The following MICALL2 variants were observed in gnomAD, a reference collection of about 807,000 sequenced individuals.
MICALL2 encodes MICAL-like protein 2.
In MICALL2, 111 loss-of-function variants were observed where a neutral mutation model predicts 91.1. That is an observed-to-expected ratio of 1.22 (90% confidence interval 1.04 to 1.43). MICALL2 has a LOEUF of 1.43. Ranked by LOEUF, MICALL2 falls within the 40% of genes most tolerant of loss-of-function variation. The pLI, the probability that MICALL2 is intolerant of heterozygous loss-of-function variation, is 0.00. For synonymous variants in MICALL2, 694 were observed against 525.3 expected (o/e 1.32, Z -4.39); for missense variants, 1,556 against 1,236.0 (o/e 1.26, Z -3.88).
chr7:1,438,836 T>C lies in MICALL2; in HGVS notation c.2122+4A>G. On this transcript the variant is annotated splice_donor_region_variant and intron_variant, in intron 10 of 16. Transcript: ENST00000297508. ...CAAACAGCAGCGGTGTCTCTGGGGC[T>C]GACCTGGTTTGCCCTGAAGGTGAGG... The C allele has an allele frequency of 1.3e-6, 2 of 1,599,528 alleles. No homozygotes were observed. Among genetic ancestry groups the C allele is most frequent in the Non-Finnish European group, 1.7e-6 (2 of 1,170,978 alleles).
chr7:1,441,590 G>C (rs753637772), intron 7 of MICALL2: 1 of 157,732 alleles, frequency 6.3e-6, no homozygotes, highest in Non-Finnish European at 1.4e-5. Context: ...TCAGGTCATA[G>C]GGCATCGTCA....
intron 3 of MICALL2, chr7:1,448,112 A>C: frequency 4.0e-6 from 1 of 248,480 alleles, no homozygotes; most frequent in East Asian, 8.5e-5. Flanking sequence ...TACACACACA[A>C]AGGCCGGGCC....
Position 1,459,465 on chromosome 7 carries a change from C to T in MICALL2, c.-139G>A. On this transcript the variant is annotated 5_prime_UTR_variant, in exon 1 of 17. Transcript: ENST00000297508. ...CCACGGCGCCCAGCCCCAGCTGAGC[C>T]GGACTGAGGGCGACGAGTGCCGGGT... The T allele has an allele frequency of 1.3e-6, 1 of 775,776 alleles. No homozygotes were observed. 48.1% of individuals were successfully genotyped at this position (775,776 alleles called of 1,614,324 possible). A position where few individuals can be genotyped will look rare whatever the true frequency, so the allele number is the denominator to read the frequency against.
At chr7:1,438,767 G>T in intron 10 of MICALL2, 73 bp downstream of exon 10, 1 of 1,527,940 alleles carries the variant, frequency 6.5e-7, no homozygotes, top group Non-Finnish European at 8.8e-7. Context: ...CAAAGCCCCA[G>T]CAGGCATTGC....
At chr7:1,455,102 T>C (rs1486821902) in intron 1 of MICALL2, among the ~76,000 whole-genome samples, 1 of 152,190 alleles carries the variant, frequency 6.6e-6, no homozygotes, top group Non-Finnish European at 1.5e-5. Context: ...GACGGCTTCC[T>C]GCGCCACGCA....
intron 9 of MICALL2, chr7:1,439,393 A>C: frequency 4.8e-6 from 1 of 208,864 alleles, no homozygotes; most frequent in Non-Finnish European, 9.1e-6. Context: ...CATGCACCAC[A>C]TACATGAACA....
At chr7:1,446,270 G>T (rs117302363) in intron 5 of MICALL2, among the ~76,000 whole-genome samples, 7 of 20,542 alleles carry the variant, frequency 3.4e-4, no homozygotes, top group East Asian at 3.5e-3. Context: ...GGGGGAGGAG[G>T]GAGAGAAGGG....
chr7:1,455,328 C>A (rs1780974327), intron 1 of MICALL2, among the ~76,000 whole-genome samples: 1 of 152,228 alleles, frequency 6.6e-6, no homozygotes, highest in Non-Finnish European at 1.5e-5. Context: ...TCTGAGCTCA[C>A]CTGGCTGCCC....
chr7:1,447,432 G>C (rs984154611), intron 4 of MICALL2, 143 bp downstream of exon 4: 9 of 577,602 alleles, frequency 1.6e-5, no homozygotes, highest in Non-Finnish European at 2.4e-5. Flanking sequence ...GGCGGCTCTT[G>C]CTAAGGCTGA....
intron 9 of MICALL2, chr7:1,439,389 C>T (rs6976984): frequency 0.99 from 219,175 of 221,628 alleles, 108,382 homozygotes; most frequent in East Asian, 1. Context: ...GGTACATGCA[C>T]CACATACATG....
Position 1,448,780 on chromosome 7 carries a change from G to T in MICALL2, c.193-19C>A, listed in dbSNP as rs1167979548. 1.2e-6 allele frequency: 2 copies of T among 1,611,178 alleles called. No homozygotes were observed. The highest frequency in any genetic ancestry group is 1.7e-6 in the Non-Finnish European group (2 of 1,179,156). On this transcript the variant is annotated intron_variant, in intron 2 of 16. Transcript: ENST00000297508. Reference sequence around the variant, plus strand: ...GGAAGGCCTGCGAAAGGTGGGAGGGGGTCAGCGGGGCAGCTGGGAGCCCCC... The same window carrying T: ...GGAAGGCCTGCGAAAGGTGGGAGGGTGTCAGCGGGGCAGCTGGGAGCCCCC...
Position 1,440,009 on chromosome 7 carries a change from AGCT to A in MICALL2, c.1879_1881del (p.Ser627del). On this transcript the variant is annotated inframe_deletion, in exon 9 of 17. Coordinates refer to ENST00000297508, the MANE Select transcript of MICALL2 (RefSeq NM_182924.4). The stretch of plus-strand genomic sequence containing the variant: ...AGGGTGATGTGGACACTCCCAGCAA[AGCT>A]GCCTGAGACCTTCCTGGGGGCCTCC... 2.6e-6 allele frequency: 4 copies of A among 1,556,024 alleles called. No homozygotes were observed. Among genetic ancestry groups the A allele is most frequent in the Non-Finnish European group, 3.4e-6 (4 of 1,161,868 alleles).
At position 1,438,312 on chromosome 7, in the gene MICALL2, C is replaced by T. The variant is rs775304017; in HGVS notation, c.2164G>A (p.Glu722Lys). 6.8e-5 allele frequency: 109 copies of T among 1,603,402 alleles called. No individual in the cohort carries two copies. The highest frequency in any genetic ancestry group is 4.3e-4 in the East Asian group (19 of 44,526). Residue 722 changes from glutamate to lysine, a missense_variant, in exon 11 of 17, where the codon GAG (glutamate) becomes AAG (lysine). By Grantham distance (56) the Glu-to-Lys change is moderately conservative (BLOSUM62 1). Transcript: ENST00000297508. ...ACCCTGACTGGGGAGGTCACCGTCT[C>T]GCCAGGCAGAGCAGGGACATTGGCC... ...SPANVPALPG[E>K]TVTSPVRLHP...
At position 1,444,935 on chromosome 7, in the gene MICALL2, C is replaced by A. The variant is rs566311876; in HGVS notation, c.1135G>T (p.Gly379Trp). 6.6e-7 allele frequency: 1 copy of A among 1,524,344 alleles called. No homozygotes were observed. Among genetic ancestry groups the A allele is most frequent in the African/African-American group, 1.4e-5 (1 of 73,100 alleles). 94.4% of individuals were successfully genotyped at this position (1,524,344 alleles called of 1,614,324 possible). The change falls in exon 6 of 17, where the codon GGG becomes TGG. Residue 379 changes from glycine (G) to tryptophan (W), a missense_variant. Physicochemically the swap from Gly to Trp is radical, Grantham distance 184. Transcript: ENST00000297508. The stretch of plus-strand genomic sequence containing the variant: ...GGAGCTGCCACTCGGGGGGCTCCCC[C>A]ACCCTGGGGTGTGGCCGGGCGAGGG... ...PDPRPATPQGGGAPRVAAPQT... is the reference protein window; with the variant it reads ...PDPRPATPQGWGAPRVAAPQT...
At position 1,441,910 on chromosome 7, in the gene MICALL2, C is replaced by G; in HGVS notation, c.1711+282G>C. 1.0e-5 allele frequency: 5 copies of G among 499,042 alleles called. No individual in the cohort carries two copies. The South Asian group carries it at 1.2e-4, about 12-fold the overall frequency. 30.9% of individuals were successfully genotyped at this position (499,042 alleles called of 1,614,324 possible). On this transcript the variant is annotated intron_variant, in intron 7 of 16. Transcript: ENST00000297508. ...GATGTAACTGCCAGACCGAGCTGAG[C>G]GGGACGCTGCAGGGCTGGGCTGCAG...
At chr7:1,439,359 A>AG in intron 9 of MICALL2, 1 of 257,962 alleles carries the variant, frequency 3.9e-6, no homozygotes, top group Non-Finnish European at 7.4e-6. Context: ...CATCACATTC[A>AG]TGAAACAGAT....
rs762377219 is a variant in MICALL2 at position 1,448,610 on chromosome 7, A to C, written c.334+10T>G. ...TCCTGCCTGGCTCGGCGGGCGCGGC[A>C]GGGACTCACTGGGGGAGCGGCCGTG... On this transcript the variant is annotated intron_variant, in intron 3 of 16. Coordinates refer to ENST00000297508, the MANE Select transcript of MICALL2 (RefSeq NM_182924.4). 6.2e-7 allele frequency: 1 copy of C among 1,612,288 alleles called. No homozygotes were observed. The highest frequency in any genetic ancestry group is 1.3e-5 in the African/African-American group (1 of 75,018).
intron 7 of MICALL2, 167 bp from the exon 8 acceptor site, chr7:1,440,851 G>T (rs968428081): frequency 1.5e-5 from 9 of 615,270 alleles, no homozygotes; most frequent in Admixed American, 5.0e-5. Context: ...AGGGAGTCAG[G>T]GGAGGGGCTC....
Position 1,451,586 on chromosome 7 carries a change from G to A in MICALL2, c.144-1298C>T, listed in dbSNP as rs554189532. Reference sequence around the variant, plus strand: ...GGACAGCAGCTGCTGCCATGTCAGCGTGAACTGGACTGTTCTAGAAGCTTC... The same window carrying A: ...GGACAGCAGCTGCTGCCATGTCAGCATGAACTGGACTGTTCTAGAAGCTTC... On this transcript the variant is annotated intron_variant, in intron 1 of 16. Transcript: ENST00000297508. This position sits in a 1 kb window ranked among gnomAD's most constrained non-coding sequence, Gnocchi z 4.5. 1.3e-5 allele frequency among the ~76,000 whole-genome samples: 2 copies of A among 152,288 alleles called. No individual in the cohort carries two copies. Among genetic ancestry groups the A allele is most frequent in the African/African-American group, 4.8e-5 (2 of 41,556 alleles).
Sources: gnomAD v4.1 joint callset for allele counts (sites outside exome capture counted in the v4.1 genomes callset) on GRCh38, gnomAD v4.1.1 for gene constraint, Gnocchi (gnomAD v3.1) non-coding constraint, MANE v1.5 for transcripts, NCBI Gene and HGNC (gene_info 2026-07-23, HGNC 2026-07-21) for gene names.